Variants in COL4A2 observed in about 807,000 individuals in gnomAD.
COL4A2 encodes collagen type IV alpha 2 chain, also known as collagen alpha-2(IV) chain.
In COL4A2, 99 loss-of-function variants were observed where a neutral mutation model predicts 200.2. That is an observed-to-expected ratio of 0.49 (90% CI 0.42 to 0.58). The LOEUF (loss-of-function observed/expected upper bound fraction) is 0.58, where lower values mean the gene tolerates loss of function less well. COL4A2 is among the 20% of genes least tolerant of loss of function. The pLI is 0.00. For missense variants in COL4A2, 1,950 were observed against 2,314.1 expected (o/e 0.84, Z 3.23); for synonymous variants, 897 against 900.6 (o/e 1.00, Z 0.07).
intron 16 of COL4A2, among the ~76,000 whole-genome samples, chr13:110,444,781 A>G (rs1348097859): frequency 2.0e-5 from 3 of 152,264 alleles, no homozygotes; most frequent in Non-Finnish European, 4.4e-5. Context: ...ATACCTCATG[A>G]TATGACTCAA....
At chr13:110,366,152 A>G (rs1877741364) in intron 4 of COL4A2, among the ~76,000 whole-genome samples, 3 of 152,314 alleles carry the variant, frequency 2.0e-5, no homozygotes, top group African/African-American at 7.2e-5. Context: ...TTCAAAGACC[A>G]TTGTTTTGTT....
intron 3 of COL4A2, among the ~76,000 whole-genome samples, chr13:110,355,637 C>T (rs111928743): frequency 0.32 from 5,930 of 18,568 alleles, 1,292 homozygotes; most frequent in East Asian, 0.78. Flanking sequence ...ACTAGCTCAC[C>T]TGTGTGTGTG....
chr13:110,310,161 G>A (rs1268286386), intron 3 of COL4A2, among the ~76,000 whole-genome samples: 2 of 152,198 alleles, frequency 1.3e-5, no homozygotes, highest in Non-Finnish European at 2.9e-5. Flanking sequence ...CATCATTGCT[G>A]CAAGCTCACC....
intron 4 of COL4A2, among the ~76,000 whole-genome samples, chr13:110,365,158 C>G (rs1283869552): frequency 3.3e-5 from 5 of 149,360 alleles, no homozygotes; most frequent in African/African-American, 1.2e-4. Flanking sequence ...TTTTTTTTTT[C>G]GAGGCGGAGT....
In COL4A2 at chr13:110,491,244, T is replaced by G; in HGVS notation, c.3358T>G (p.Phe1120Val). The G allele has an allele frequency of 6.3e-7, 1 of 1,596,832 alleles. No individual in the cohort carries two copies. The highest frequency in any genetic ancestry group is 1.7e-5 in the Admixed American group (1 of 58,384). The change falls in exon 37 of 48, where the codon TTC becomes GTC. Residue 1120 changes from phenylalanine to valine, a missense_variant. Physicochemically the swap from Phe to Val is conservative, Grantham distance 50 (BLOSUM62 -1). Coordinates refer to ENST00000360467, the MANE Select transcript of COL4A2 (RefSeq NM_001846.4). The part of the protein sequence containing the change: ...GTTGIPGLKG[F>V]FGEKGTEGDI... ...GTCTGTGGTTGCAGGTCTGAAGGGA[T>G]TCTTTGGAGAGAAGGGAACAGAAGG...
chr13:110,365,903 T>G (rs761994981), intron 4 of COL4A2, among the ~76,000 whole-genome samples: 2 of 152,212 alleles, frequency 1.3e-5, no homozygotes, highest in Non-Finnish European at 2.9e-5. Flanking sequence ...TCCATCAGAT[T>G]GACAAGTTAG....
chr13:110,491,215 G>A lies in COL4A2; in HGVS notation c.3347-18G>A. On this transcript the variant is annotated intron_variant, in intron 36 of 47. Coordinates refer to ENST00000360467, the MANE Select transcript of COL4A2 (RefSeq NM_001846.4). Reference sequence around the variant, plus strand: ...GCGCGGTGTCTGTTTGTTCCAAGCAGCATGTCTGTGGTTGCAGGTCTGAAG... The same window carrying A: ...GCGCGGTGTCTGTTTGTTCCAAGCAACATGTCTGTGGTTGCAGGTCTGAAG... 1 of 1,560,186 alleles carries A rather than the reference G, an allele frequency of 6.4e-7. No homozygotes were observed. The highest frequency in any genetic ancestry group is 8.7e-7 in the Non-Finnish European group (1 of 1,144,304).
intron 20 of COL4A2, among the ~76,000 whole-genome samples, chr13:110,453,540 G>T (rs4573799): frequency 0.4 from 61,358 of 151,694 alleles, 12,854 homozygotes; most frequent in South Asian, 0.5. Flanking sequence ...TTTAAAGAAC[G>T]GTGATCAAAG....
intron 22 of COL4A2, among the ~76,000 whole-genome samples, chr13:110,460,110 T>C (rs1231211082): frequency 6.6e-6 from 1 of 152,226 alleles, no homozygotes; most frequent in African/African-American, 2.4e-5. Context: ...AAAAAGTTCA[T>C]TATTTAACAT....
At position 110,434,035 on chromosome 13, in the gene COL4A2, C is replaced by T. The variant is rs141234886; in HGVS notation, c.685-366C>T. Among the ~76,000 whole-genome samples the T allele has an allele frequency of 7.9e-3, 1,204 of 152,248 alleles. 17 individuals are homozygous for T. The highest frequency in any genetic ancestry group is 0.026 in the African/African-American group (1,097 of 41,542). ...GAGAAGACTGAGCCAGAAGAAAAGA[C>T]GAATCATGATCTTCAAATGCAGAGT... On this transcript the variant is annotated intron_variant, in intron 11 of 47. Coordinates refer to ENST00000360467, the MANE Select transcript of COL4A2 (RefSeq NM_001846.4).
At chr13:110,414,147 C>G (rs1455361229) in intron 4 of COL4A2, among the ~76,000 whole-genome samples, 2 of 152,154 alleles carry the variant, frequency 1.3e-5, no homozygotes, top group Non-Finnish European at 2.9e-5. Context: ...TGCAGTCCAG[C>G]CGGGCAACAG....
intron 28 of COL4A2, 118 bp downstream of exon 28, chr13:110,469,442 G>C: frequency 9.3e-7 from 1 of 1,071,894 alleles, no homozygotes; most frequent in Admixed American, 2.8e-5. Context: ...ACAAATACTT[G>C]ACAACTTTTG....
chr13:110,417,480 T>G (rs1880087232), intron 4 of COL4A2, among the ~76,000 whole-genome samples: 1 of 152,188 alleles, frequency 6.6e-6, no homozygotes, highest in Non-Finnish European at 1.5e-5. Flanking sequence ...TTGTTTGTTT[T>G]TAGGTCAAGG....
At chr13:110,328,842 A>C (rs1594149051) in intron 3 of COL4A2, among the ~76,000 whole-genome samples, 1 of 152,338 alleles carries the variant, frequency 6.6e-6, no homozygotes, top group South Asian at 2.1e-4. Flanking sequence ...TGATAAACTC[A>C]TGCTGTCATC....
In COL4A2 at chr13:110,462,380, C is replaced by T. The variant is rs886049974; in HGVS notation, c.1772C>T (p.Pro591Leu). The T allele has an allele frequency of 1.2e-6, 2 of 1,612,454 alleles. No individual in the cohort carries two copies. The highest frequency in any genetic ancestry group is 1.7e-5 in the Admixed American group (1 of 60,006). ...GLDGFPGLPG[P>L]PGDGIKGPPG... is the part of the protein sequence containing the mutation. ...GATGGATTCCCCGGCCTCCCAGGCC[C>T]TCCCGTGAGTAGCCACAAACTGCGG... Residue 591 changes from proline to leucine, a missense_variant, in exon 24 of 48, where the codon CCT becomes CTT. Pro to Leu is a moderately conservative substitution (Grantham distance 98). Transcript: ENST00000360467.
chr13:110,368,266 T>C (rs1877840066), intron 4 of COL4A2, among the ~76,000 whole-genome samples: 1 of 152,294 alleles, frequency 6.6e-6, no homozygotes, highest in East Asian at 1.9e-4. Context: ...GGTTTATATA[T>C]ATCCAGAGTA....
chr13:110,399,771 G>A (rs930534225), intron 4 of COL4A2, among the ~76,000 whole-genome samples: 2 of 152,206 alleles, frequency 1.3e-5, no homozygotes, highest in African/African-American at 4.8e-5. Flanking sequence ...TGCCCTGCAG[G>A]ATCTTCCTGG....
At chr13:110,509,270 T>TATACAC (rs1435137108) in intron 47 of COL4A2, among the ~76,000 whole-genome samples, 34 of 115,576 alleles carry the variant, frequency 2.9e-4, no homozygotes, top group East Asian at 1.1e-3. Flanking sequence ...TATATATATA[T>TATACAC]ACACACACAC....
In COL4A2 at chr13:110,478,037, GGGCCAGCCAGGCCTCCCAGGACCTTCC is replaced by G; in HGVS notation, c.2475_2501del (p.Pro826_Leu834del). On this transcript the variant is annotated inframe_deletion, in exon 30 of 48. Transcript: ENST00000360467. ...GGATGCCTGGGATGCCAGGGCTGAA[GGGCCAGCCAGGCCTCCCAGGACCTTCC>G]GGCCAGCCAGGCCTGTATGGGCCTC... is the stretch of plus-strand genomic sequence containing the variant. The G allele has an allele frequency of 6.3e-7, 1 of 1,589,268 alleles. No individual in the cohort carries two copies. Among genetic ancestry groups the G allele is most frequent in the Non-Finnish European group, 8.6e-7 (1 of 1,165,062 alleles).
Sources: gnomAD v4.1 joint callset for allele counts (sites outside exome capture counted in the v4.1 genomes callset) on GRCh38, gnomAD v4.1.1 for gene constraint, MANE v1.5 for transcripts, NCBI Gene and HGNC (gene_info 2026-07-23, HGNC 2026-07-21) for gene names.